Variants in WIPI1 observed in about 807,000 individuals in gnomAD.
WIPI1 encodes WD repeat domain phosphoinositide-interacting protein 1.
WIPI1 carries 45 observed loss-of-function variants against 55.3 expected under a neutral mutation model. The ratio of observed to expected loss-of-function variants is 0.81; its 90% confidence interval spans 0.64 to 1.04. The LOEUF is 1.04. WIPI1 is among the 50% of genes least tolerant of loss of function. WIPI1 has a pLI of 0.00. For missense variants in WIPI1, 445 were observed against 559.0 expected, an observed-to-expected ratio of 0.80 and a Z score of 2.06; for synonymous variants, 195 against 217.6, an observed-to-expected ratio of 0.90 and a Z score of 0.92.
At chr17:68,432,391 T>G (rs375330582) in intron 8 of WIPI1, among the ~76,000 whole-genome samples, 67 of 152,232 alleles carry the variant, frequency 4.4e-4, no homozygotes, top group African/African-American at 1.4e-3. Flanking sequence ...CAGAGAAATC[T>G]TGGCACCTCT....
intron 8 of WIPI1, 140 bp downstream of exon 8, chr17:68,433,328 A>T: frequency 1.3e-6 from 1 of 798,128 alleles, no homozygotes; most frequent in Non-Finnish European, 2.0e-6. Flanking sequence ...TTGCTAACAC[A>T]CACTCCATCA....
intron 7 of WIPI1, 21 bp downstream of exon 7, chr17:68,434,535 G>T: frequency 1.2e-6 from 2 of 1,613,172 alleles, no homozygotes; most frequent in Non-Finnish European, 1.7e-6. Flanking sequence ...CTTTAAAATG[G>T]GTTTGACATT....
chr17:68,431,462 C>A (rs1255305074), intron 8 of WIPI1, among the ~76,000 whole-genome samples: 2 of 151,990 alleles, frequency 1.3e-5, no homozygotes, highest in African/African-American at 2.4e-5. Flanking sequence ...GGCTGCTGGG[C>A]TCTGCAGCAG....
At position 68,436,488 on chromosome 17, in the gene WIPI1, G is replaced by A; in HGVS notation, c.431-9C>T. 1.9e-6 allele frequency: 3 copies of A among 1,612,726 alleles called. No individual in the cohort carries two copies. The highest frequency in any genetic ancestry group is 2.5e-6 in the Non-Finnish European group (3 of 1,178,840). On this transcript the variant is annotated splice_polypyrimidine_tract_variant and intron_variant, in intron 4 of 12. Transcript: ENST00000262139. ...AGAGAGAGCACATAGACCTGGCAAA[G>A]AAGAAACAGAACATGAGAAGCCTGG...
chr17:68,422,715 T>TA (rs2082881324), intron 12 of WIPI1: 1 of 114,722 alleles, frequency 8.7e-6, no homozygotes, highest in Non-Finnish European at 1.6e-5. Context: ...AGGGACAGAG[T>TA]GAGACTCTAT....
intron 2 of WIPI1, among the ~76,000 whole-genome samples, chr17:68,451,841 T>G (rs750730236): frequency 2.7e-4 from 41 of 152,246 alleles, no homozygotes; most frequent in Non-Finnish European, 5.4e-4. Flanking sequence ...ATGACCCTCC[T>G]GAGCACAAAG....
At position 68,423,049 on chromosome 17, in the gene WIPI1, G is replaced by C. The variant is rs2082912117; in HGVS notation, c.1294-1229C>G. Among the ~76,000 whole-genome samples, 1 of 152,152 alleles carries C rather than the reference G, an allele frequency of 6.6e-6. No individual in the cohort carries two copies. Among genetic ancestry groups the C allele is most frequent in the African/African-American group, 2.4e-5 (1 of 41,422 alleles). ...GATGACCCGCGTTCTTAAGGCAGCG[G>C]CTCACAGAGCTCCTGTAGCAGACTA... On this transcript the variant is annotated intron_variant, in intron 12 of 12. Coordinates refer to ENST00000262139, the MANE Select transcript of WIPI1 (RefSeq NM_017983.7). The surrounding 1 kb of genome is among the most constrained non-coding windows in gnomAD (Gnocchi z 4.4).
At chr17:68,451,205 A>T (rs1310118199) in intron 2 of WIPI1, among the ~76,000 whole-genome samples, 1 of 152,184 alleles carries the variant, frequency 6.6e-6, no homozygotes, top group African/African-American at 2.4e-5. Context: ...CTGAGGCAGG[A>T]GAATCACTTG....
In WIPI1 at chr17:68,428,854, C is replaced by T. The variant is rs1215709191; in HGVS notation, c.1048G>A (p.Glu350Lys). 1 of 1,613,942 alleles carries T rather than the reference C, an allele frequency of 6.2e-7. No individual in the cohort carries two copies. The highest frequency in any genetic ancestry group is 8.5e-7 in the Non-Finnish European group (1 of 1,179,928). ...MYNLDPQDGG[E>K]CVLIKTHSLL... ...CTGTGGGTTTTGATTAAGACACACT[C>T]TCCTCCATCCTGAGGATCCAAATTG... Residue 350 changes from glutamate (E) to lysine (K), a missense_variant, in exon 10 of 13, where the codon GAG becomes AAG. Physicochemically the swap from Glu to Lys is moderately conservative, Grantham distance 56. Transcript: ENST00000262139.
chr17:68,445,774 T>A lies in WIPI1; in HGVS notation c.334-1185A>T, dbSNP rs546028613. ...CTGGTGAGGAGGTGTCAGGAAGGCA[T>A]TTCTGGTTGGGCAGCTCCTCGCACA... On this transcript the variant is annotated intron_variant, in intron 3 of 12. Coordinates refer to ENST00000262139, the MANE Select transcript of WIPI1 (RefSeq NM_017983.7). 5.5e-4 allele frequency among the ~76,000 whole-genome samples: 84 copies of A among 152,294 alleles called. 2 individuals are homozygous for A. Among genetic ancestry groups the A allele is most frequent in the African/African-American group, 2.0e-3 (82 of 41,564 alleles).
chr17:68,434,495 C>A, intron 7 of WIPI1, 61 bp downstream of exon 7: 1 of 1,571,278 alleles, frequency 6.4e-7, no homozygotes. Context: ...TAGACAGCTG[C>A]CAGCGGTCCC....
intron 8 of WIPI1, among the ~76,000 whole-genome samples, chr17:68,430,670 G>A (rs1436198434): frequency 6.6e-6 from 1 of 152,204 alleles, no homozygotes; most frequent in Non-Finnish European, 1.5e-5. Flanking sequence ...TACCCAGCAT[G>A]TGTAATGATG....
At chr17:68,444,627 C>T in intron 3 of WIPI1, 38 bp from the exon 4 acceptor site, 1 of 1,561,824 alleles carries the variant, frequency 6.4e-7, no homozygotes, top group Non-Finnish European at 8.8e-7. Context: ...CCGAACCGTT[C>T]CTTACAAAGA....
At chr17:68,438,790 AG>A (rs1171725874) in intron 4 of WIPI1, among the ~76,000 whole-genome samples, 1 of 152,192 alleles carries the variant, frequency 6.6e-6, no homozygotes, top group African/African-American at 2.4e-5. Context: ...CAGTAGAGAC[AG>A]GGTTTCACCA....
intron 2 of WIPI1, among the ~76,000 whole-genome samples, chr17:68,451,477 G>C (rs1460257250): frequency 5.9e-5 from 9 of 152,238 alleles, no homozygotes; most frequent in African/African-American, 1.9e-4. Context: ...GCAAGTCAGA[G>C]CAAAGGCAGA....
chr17:68,431,823 G>C (rs1480991131), intron 8 of WIPI1, among the ~76,000 whole-genome samples: 1 of 16,686 alleles, frequency 6.0e-5, no homozygotes, highest in Non-Finnish European at 1.3e-4. Flanking sequence ...GGTCACCTGT[G>C]CTCACAGACA....
intron 2 of WIPI1, among the ~76,000 whole-genome samples, chr17:68,452,151 A>G (rs1031406929): frequency 6.6e-6 from 1 of 152,282 alleles, no homozygotes; most frequent in African/African-American, 2.4e-5. Flanking sequence ...TTCACTAGAC[A>G]TGCTTCAACA....
In WIPI1 at chr17:68,444,171, G is replaced by A. The variant is rs534736500; in HGVS notation, c.430+322C>T. On this transcript the variant is annotated intron_variant, in intron 4 of 12. Coordinates refer to ENST00000262139, the MANE Select transcript of WIPI1 (RefSeq NM_017983.7). ...TGAACGAACCACAAAAAACAATTAG[G>A]GGTAAACACTTTTCAACAGCAGATG... Among the ~76,000 whole-genome samples the A allele has an allele frequency of 2.6e-5, 4 of 152,254 alleles. No homozygotes were observed. The South Asian group carries it at 8.3e-4, about 32-fold the overall frequency.
At chr17:68,437,005 A>AAAATATAT (rs10629905) in intron 4 of WIPI1, among the ~76,000 whole-genome samples, 9 of 107,264 alleles carry the variant, frequency 8.4e-5, no homozygotes, top group African/African-American at 2.1e-4. Flanking sequence ...AAAAAAAAAA[A>AAAATATAT]ATATATATAT....
Sources: gnomAD v4.1 joint callset for allele counts (sites outside exome capture counted in the v4.1 genomes callset) on GRCh38, gnomAD v4.1.1 for gene constraint, Gnocchi (gnomAD v3.1) non-coding constraint, MANE v1.5 for transcripts, NCBI Gene and HGNC (gene_info 2026-07-23, HGNC 2026-07-21) for gene names.